The following TRDN variants were observed in gnomAD, a reference collection of about 807,000 sequenced individuals.
TRDN encodes the protein triadin in skeletal muscle.
Under a neutral mutation model 149.7 loss-of-function variants are expected in TRDN, and 161 were observed. That is an observed-to-expected ratio of 1.08 (90% CI 0.95 to 1.23). The LOEUF is 1.23. TRDN is among the 50% of genes most tolerant of loss of function. The pLI is 0.00. For missense variants in TRDN, 896 were observed against 823.5 expected (o/e 1.09, Z -1.08); for synonymous variants, 294 against 250.5 (o/e 1.17, Z -1.64).
At chr6:123,314,715 C>A (rs1386722963) in intron 24 of TRDN, among the ~76,000 whole-genome samples, 3 of 151,928 alleles carry the variant, frequency 2.0e-5, no homozygotes, top group Admixed American at 6.6e-5. Context: ...GAACAAGGGC[C>A]ATTATCCTTA....
chr6:123,352,430 T>C (rs1315358106), intron 21 of TRDN, 109 bp downstream of exon 21: 4 of 1,496,568 alleles, frequency 2.7e-6, no homozygotes, highest in Non-Finnish European at 3.5e-6. Flanking sequence ...TGATAAAGAG[T>C]AATAGACTTA....
At chr6:123,601,929 T>C (rs1229593752) in intron 1 of TRDN, among the ~76,000 whole-genome samples, 1 of 152,028 alleles carries the variant, frequency 6.6e-6, no homozygotes, top group East Asian at 1.9e-4. Context: ...TCAGAAACAT[T>C]ATGTGATAAG....
chr6:123,585,743 G>A (rs903575481), intron 1 of TRDN, among the ~76,000 whole-genome samples: 6 of 152,098 alleles, frequency 3.9e-5, no homozygotes, highest in Non-Finnish European at 8.8e-5. Flanking sequence ...CAGATTTCTG[G>A]CACTTGTAGC....
chr6:123,308,338 GTTTTT>G (rs56246935), intron 24 of TRDN, among the ~76,000 whole-genome samples: 3 of 137,264 alleles, frequency 2.2e-5, no homozygotes, highest in Non-Finnish European at 3.2e-5. Flanking sequence ...GCACGTGTGT[GTTTTT>G]TTTTTTTTTT....
rs530283928 is a variant in TRDN at position 123,238,322 on chromosome 6, T to G, written c.1975+14090A>C. Among the ~76,000 whole-genome samples, 3 of 152,294 alleles carry G rather than the reference T, an allele frequency of 2.0e-5. No homozygotes were observed. In the East Asian group the frequency reaches 5.8e-4, roughly 29 times the overall value. On this transcript the variant is annotated intron_variant, in intron 38 of 40. Coordinates refer to ENST00000334268, the MANE Select transcript of TRDN (RefSeq NM_006073.4). Reference sequence around the variant, plus strand: ...ACAAAATTACCATGTAAGTCAAGATTAGATGTGTTGGAATTTAGATGTTTT... The same window carrying G: ...ACAAAATTACCATGTAAGTCAAGATGAGATGTGTTGGAATTTAGATGTTTT...
intron 9 of TRDN, among the ~76,000 whole-genome samples, chr6:123,496,828 A>G (rs545929692): frequency 6.6e-6 from 1 of 152,228 alleles, no homozygotes; most frequent in East Asian, 1.9e-4. Context: ...TGTGTTCACT[A>G]CTAAGAAAAG....
At chr6:123,579,667 T>G (rs1477496236) in intron 1 of TRDN, among the ~76,000 whole-genome samples, 1 of 152,160 alleles carries the variant, frequency 6.6e-6, no homozygotes, top group Non-Finnish European at 1.5e-5. Context: ...TATAATGAGT[T>G]GGAGAGGAGT....
intron 21 of TRDN, among the ~76,000 whole-genome samples, chr6:123,339,983 T>C (rs1780008292): frequency 6.6e-6 from 1 of 152,194 alleles, no homozygotes; most frequent in African/African-American, 2.4e-5. Flanking sequence ...ATAAAAACTA[T>C]TCATTTTGAA....
chr6:123,449,060 A>C (rs948707091), intron 10 of TRDN, among the ~76,000 whole-genome samples: 9 of 152,206 alleles, frequency 5.9e-5, no homozygotes, highest in African/African-American at 1.9e-4. Flanking sequence ...GGGACAAAAG[A>C]ATCTGAACAA....
In TRDN at chr6:123,636,692, G is replaced by A; in HGVS notation, c.22+62C>T. ...TTAAATGGACACATCGACAGTTAAT[G>A]TGGCTGTCGATTTGCATATTTTTTT... On this transcript the variant is annotated intron_variant, in intron 1 of 40. Coordinates refer to ENST00000334268, the MANE Select transcript of TRDN (RefSeq NM_006073.4). 7 of 1,557,748 alleles carry A rather than the reference G, an allele frequency of 4.5e-6. No individual in the cohort carries two copies. The South Asian group carries it at 7.8e-5, about 17-fold the overall frequency.
chr6:123,608,290 A>T (rs942887071), intron 1 of TRDN, among the ~76,000 whole-genome samples: 1 of 152,154 alleles, frequency 6.6e-6, no homozygotes, highest in Non-Finnish European at 1.5e-5. Flanking sequence ...CTTCTAGGGC[A>T]GCTATGATAA....
chr6:123,571,192 G>A lies in TRDN; in HGVS notation c.23-60C>T, dbSNP rs2295732. On this transcript the variant is annotated intron_variant, in intron 1 of 40. Coordinates refer to ENST00000334268, the MANE Select transcript of TRDN (RefSeq NM_006073.4). Reference sequence around the variant, plus strand: ...GAGATTCATGGTAAATATTGATGATGAGAAACACTGACTATATGAGTGCTG... The same window carrying A: ...GAGATTCATGGTAAATATTGATGATAAGAAACACTGACTATATGAGTGCTG... 0.33 allele frequency: 517,279 copies of A among 1,552,210 alleles called. 90,176 individuals are homozygous for A. Among genetic ancestry groups the A allele is most frequent in the African/African-American group, 0.41 (30,603 of 73,790 alleles).
chr6:123,332,792 A>T (rs1215141650), intron 22 of TRDN, among the ~76,000 whole-genome samples: 6 of 151,992 alleles, frequency 3.9e-5, no homozygotes, highest in Admixed American at 3.9e-4. Context: ...AGAGACTGTG[A>T]TGGTGGTGCT....
chr6:123,254,965 G>A, intron 37 of TRDN, 116 bp downstream of exon 37: 1 of 650,084 alleles, frequency 1.5e-6, no homozygotes, highest in Non-Finnish European at 2.8e-6. Context: ...CTGCTATTAA[G>A]AGAAGTTTGC....
intron 1 of TRDN, among the ~76,000 whole-genome samples, chr6:123,612,422 T>G (rs1784865849): frequency 6.6e-6 from 1 of 151,146 alleles, no homozygotes; most frequent in Non-Finnish European, 1.5e-5. Flanking sequence ...TAATAAAATT[T>G]TAAAAAAAGG....
At chr6:123,512,230 T>A (rs894863647) in intron 7 of TRDN, 73 bp downstream of exon 7, 1 of 867,448 alleles carries the variant, frequency 1.2e-6, no homozygotes, top group Non-Finnish European at 1.8e-6. Flanking sequence ...AATATCCAAC[T>A]ATCTGTTACC....
intron 26 of TRDN, among the ~76,000 whole-genome samples, chr6:123,275,604 G>C (rs566912145): frequency 1.3e-5 from 2 of 152,198 alleles, no homozygotes; most frequent in African/African-American, 4.8e-5. Flanking sequence ...TTTTGGTTTA[G>C]GAACATAGGT....
intron 1 of TRDN, among the ~76,000 whole-genome samples, chr6:123,587,687 G>A (rs572691661): frequency 6.6e-4 from 100 of 152,030 alleles, no homozygotes; most frequent in African/African-American, 2.3e-3. Context: ...GTGCAGGTGG[G>A]CTGAGTCCAA....
intron 37 of TRDN, among the ~76,000 whole-genome samples, chr6:123,253,722 A>T (rs892156535): frequency 6.6e-6 from 1 of 152,098 alleles, no homozygotes; most frequent in Non-Finnish European, 1.5e-5. Flanking sequence ...CAAGATGAAG[A>T]CTTTAAAACG....
Sources: allele counts gnomAD v4.1 joint callset (sites outside exome capture counted in the v4.1 genomes callset), GRCh38; gene constraint gnomAD v4.1.1; transcripts MANE v1.5; gene names NCBI Gene and HGNC (gene_info 2026-07-23, HGNC 2026-07-21).